The following ZNF827 variants were observed in gnomAD, a reference collection of about 807,000 sequenced individuals.
ZNF827 encodes the protein zinc finger protein 827.
ZNF827 carries 13 observed loss-of-function variants against 102.4 expected under a neutral mutation model. The observed-to-expected ratio is 0.13, with a 90% CI of 0.08 to 0.20. The LOEUF is 0.20. Among genes scored for constraint, ZNF827 ranks in the 10% least tolerant of loss-of-function variants. The pLI, the probability that ZNF827 is intolerant of heterozygous loss-of-function variation, is 1.00. For missense variants in ZNF827, 1,103 were observed against 1,344.4 expected (o/e 0.82, Z 2.81); for synonymous variants, 523 against 536.2 (o/e 0.98, Z 0.34).
At chr4:145,790,201 G>A (rs1057461214) in intron 8 of ZNF827, among the ~76,000 whole-genome samples, 1 of 152,078 alleles carries the variant, frequency 6.6e-6, no homozygotes, top group African/African-American at 2.4e-5. Flanking sequence ...TATAAAATAT[G>A]GGCACATATG....
At chr4:145,789,524 A>G (rs770352243) in intron 8 of ZNF827, among the ~76,000 whole-genome samples, 12 of 152,232 alleles carry the variant, frequency 7.9e-5, no homozygotes, top group Non-Finnish European at 1.8e-4. Context: ...ACTATGTATT[A>G]GACACTATTA....
chr4:145,781,282 A>G (rs1013084262), intron 8 of ZNF827, among the ~76,000 whole-genome samples: 3 of 152,052 alleles, frequency 2.0e-5, no homozygotes, highest in Non-Finnish European at 1.5e-5. Flanking sequence ...CATCAGAAGA[A>G]AAAACTTTAT....
chr4:145,886,081 C>T lies in ZNF827; in HGVS notation c.1344G>A (p.Leu448=), dbSNP rs1195015983. Residue 448 remains leucine (L), a synonymous_variant, in exon 4 of 15, where the codon CTG becomes CTA. Coordinates refer to ENST00000508784, the MANE Select transcript of ZNF827 (RefSeq NM_001306215.2). ...GCTGATGGCAACGCATGTGGAGTTT[C>T]AGGCTGAAGTGGCGTGAGGAAGTAA... ...CPFTSSRHFS[L]KLHMRCHQHF... The T allele has an allele frequency of 6.2e-7, 1 of 1,614,122 alleles. No homozygotes were observed. The highest frequency in any genetic ancestry group is 8.5e-7 in the Non-Finnish European group (1 of 1,179,988).
rs1734490212 is a variant in ZNF827 at position 145,761,481 on chromosome 4, C to T, written c.*135G>A. 3 of 1,289,862 alleles carry T rather than the reference C, an allele frequency of 2.3e-6. No individual in the cohort carries two copies. The highest frequency in any genetic ancestry group is 2.1e-4 in the Middle Eastern group (1 of 4,696). The allele number at this position is 1,289,862 out of a possible 1,614,324, so 79.9% of individuals were successfully genotyped here. On this transcript the variant is annotated 3_prime_UTR_variant, in exon 15 of 15. Coordinates refer to ENST00000508784, the MANE Select transcript of ZNF827 (RefSeq NM_001306215.2). The surrounding 1 kb of genome is among the most constrained non-coding windows in gnomAD (Gnocchi z 6.8). ...GCTCCCGGGTGTGCGTCTCCAGCTC[C>T]AGCTGGTTGGCCTTCACCGTCTGGC...
intron 11 of ZNF827, 103 bp downstream of exon 11, chr4:145,774,403 G>T: frequency 7.7e-7 from 1 of 1,300,292 alleles, no homozygotes; most frequent in African/African-American, 1.5e-5. Context: ...GGAAGGAAAA[G>T]GGCAATGTCT....
At chr4:145,925,218 G>C (rs1244352968) in intron 1 of ZNF827, among the ~76,000 whole-genome samples, 2 of 152,154 alleles carry the variant, frequency 1.3e-5, no homozygotes, top group African/African-American at 2.4e-5. Flanking sequence ...TGACATGTGG[G>C]AATTATGCAA....
At position 145,870,411 on chromosome 4, in the gene ZNF827, G is replaced by A. The variant is rs888870472; in HGVS notation, c.1815C>T (p.Ser605=). 7 of 1,613,998 alleles carry A rather than the reference G, an allele frequency of 4.3e-6. No individual in the cohort carries two copies. Among genetic ancestry groups the A allele is most frequent in the Non-Finnish European group, 5.9e-6 (7 of 1,179,992 alleles). ...KVKEEPKEGE[S]LSTTLPRSSY... is the part of the protein sequence containing the mutation. ...TGGACCGAGGCAAAGTCGTGCTTAG[G>A]GACTCCCCTTCCTTAGGCTCCTCTT... The change falls in exon 5 of 15, where the codon TCC becomes TCT. Residue 605 remains serine (S), a synonymous_variant. Coordinates refer to ENST00000508784, the MANE Select transcript of ZNF827 (RefSeq NM_001306215.2).
At chr4:145,899,508 G>A (rs927393139) in intron 2 of ZNF827, among the ~76,000 whole-genome samples, 5 of 152,128 alleles carry the variant, frequency 3.3e-5, no homozygotes, top group African/African-American at 1.2e-4. Context: ...TAGGCTGCTG[G>A]GAAGTGATGA....
At chr4:145,817,927 T>C (rs7664186) in intron 8 of ZNF827, among the ~76,000 whole-genome samples, 1 of 152,102 alleles carries the variant, frequency 6.6e-6, no homozygotes, top group East Asian at 1.9e-4. Flanking sequence ...AACCAGATGA[T>C]CCATTAAAAA....
At chr4:145,917,264 A>G (rs552779148) in intron 1 of ZNF827, among the ~76,000 whole-genome samples, 6 of 152,348 alleles carry the variant, frequency 3.9e-5, no homozygotes, top group African/African-American at 9.6e-5. Context: ...TTATGTTGCT[A>G]TAACAAAACA....
At chr4:145,915,621 A>G (rs1338008927) in intron 1 of ZNF827, among the ~76,000 whole-genome samples, 4 of 152,188 alleles carry the variant, frequency 2.6e-5, no homozygotes, top group Non-Finnish European at 4.4e-5. Flanking sequence ...CACTCAAACC[A>G]CAGCATTCCA....
At chr4:145,797,033 C>G (rs1740456528) in intron 8 of ZNF827, among the ~76,000 whole-genome samples, 1 of 152,140 alleles carries the variant, frequency 6.6e-6, no homozygotes, top group Admixed American at 6.5e-5. Flanking sequence ...GATGCGTGTA[C>G]TGGATGCATG....
At position 145,823,455 on chromosome 4, in the gene ZNF827, C is replaced by A; in HGVS notation, c.2350G>T (p.Asp784Tyr). Residue 784 changes from aspartate (D) to tyrosine (Y), a missense_variant, in exon 8 of 15, where the codon GAC (aspartate) becomes TAC (tyrosine). By Grantham distance (160) the Asp-to-Tyr change is radical. This residue lies in a region of ZNF827 where 243 missense variants were observed against 251.6 expected (regional missense o/e 0.97). Coordinates refer to ENST00000508784, the MANE Select transcript of ZNF827 (RefSeq NM_001306215.2). ...GATATTCTTCCGTGCAGCACGGAGT[C>A]ACTGGGCAGCAGTTCTTTTGAATTG... ...TSNSKELLPS[D>Y]SVLHGRISAP... The A allele has an allele frequency of 6.2e-7, 1 of 1,613,326 alleles. No homozygotes were observed. The highest frequency in any genetic ancestry group is 8.5e-7 in the Non-Finnish European group (1 of 1,179,930).
intron 11 of ZNF827, among the ~76,000 whole-genome samples, chr4:145,767,311 G>A (rs993775938): frequency 6.6e-6 from 1 of 152,124 alleles, no homozygotes; most frequent in Non-Finnish European, 1.5e-5. Flanking sequence ...TAAACCTGAA[G>A]ATAATAGCTA....
At chr4:145,848,400 A>T (rs1312145160) in intron 6 of ZNF827, among the ~76,000 whole-genome samples, 1 of 152,194 alleles carries the variant, frequency 6.6e-6, no homozygotes, top group African/African-American at 2.4e-5. Flanking sequence ...CGACAGACAG[A>T]TTTTAGCTTT....
intron 8 of ZNF827, 113 bp from the exon 9 acceptor site, chr4:145,779,624 T>C (rs755233236): frequency 2.0e-5 from 28 of 1,411,008 alleles, no homozygotes; most frequent in Middle Eastern, 3.7e-4. Context: ...TGGCTAGTAA[T>C]TGCAAATGAG....
At position 145,937,437 on chromosome 4, in the gene ZNF827, C is replaced by T. The variant is rs922535043; in HGVS notation, c.43+928G>A. ...TTTATTGCGGCCAGGAGCCCTGCTC[C>T]TCCCTCTCCTCCGCTCTGCAGGGAC... is the stretch of plus-strand genomic sequence containing the variant. On this transcript the variant is annotated intron_variant, in intron 1 of 14. Coordinates refer to ENST00000508784, the MANE Select transcript of ZNF827 (RefSeq NM_001306215.2). Among the ~76,000 whole-genome samples, 3 of 151,916 alleles carry T rather than the reference C, an allele frequency of 2.0e-5. 1 individual carries two copies. In the South Asian group the frequency reaches 6.2e-4, roughly 31 times the overall value.
In ZNF827 at chr4:145,892,393, C is replaced by T. The variant is rs1750669561; in HGVS notation, c.1116G>A (p.Lys372=). The T allele has an allele frequency of 6.2e-7, 1 of 1,613,730 alleles. No individual in the cohort carries two copies. The highest frequency in any genetic ancestry group is 1.7e-5 in the Admixed American group (1 of 59,968). ...SNSASEEESG[K]PFQCPICGLV... is the part of the protein sequence containing the mutation. ...AACCACATATTGGACACTGGAAAGG[C>T]TTTCCACTTTCCTCTTCTGAGGCTT... Residue 372 remains lysine, a synonymous_variant, in exon 3 of 15, where the codon AAG becomes AAA. Coordinates refer to ENST00000508784, the MANE Select transcript of ZNF827 (RefSeq NM_001306215.2).
chr4:145,934,865 C>T (rs938989369), intron 1 of ZNF827, among the ~76,000 whole-genome samples: 1 of 152,150 alleles, frequency 6.6e-6, no homozygotes, highest in Non-Finnish European at 1.5e-5. Context: ...GAAAGCCCTC[C>T]GAATTTTCTA....
Sources: allele counts gnomAD v4.1 joint callset (sites outside exome capture counted in the v4.1 genomes callset), GRCh38; gene constraint gnomAD v4.1.1; regional missense constraint gnomAD v4.1.1; non-coding constraint Gnocchi (gnomAD v3.1); transcripts MANE v1.5; gene names NCBI Gene and HGNC (gene_info 2026-07-23, HGNC 2026-07-21).